LGALS2: variants seen among roughly 807,000 people sequenced by gnomAD.
The protein encoded by LGALS2 is galectin 2, also known as galectin-2.
Under a neutral mutation model 10.1 loss-of-function variants are expected in LGALS2, and 7 were observed. The ratio of observed to expected loss-of-function variants is 0.70; its 90% CI spans 0.40 to 1.31. LGALS2 has a LOEUF of 1.31. Ranked by LOEUF, LGALS2 falls within the 50% of genes most tolerant of loss-of-function variation. The probability of loss-of-function intolerance (pLI) is 0.01; values close to 1 mark genes in which losing one functional copy is unlikely to be tolerated. For synonymous variants in LGALS2, 86 were observed against 64.2 expected, an observed-to-expected ratio of 1.34 and a Z score of -1.63; for missense variants, 167 against 163.6, an observed-to-expected ratio of 1.02 and a Z score of -0.11.
At chr22:37,578,923 A>G (rs927515100) in intron 1 of LGALS2, 1 of 152,408 alleles carries the variant, frequency 6.6e-6, no homozygotes, top group Non-Finnish European at 1.5e-5. Context: ...CCCCATCTCT[A>G]CTAAAAATAC....
intron 1 of LGALS2, among the ~76,000 whole-genome samples, chr22:37,572,238 T>C (rs1205614668): frequency 6.6e-6 from 1 of 152,240 alleles, no homozygotes; most frequent in Non-Finnish European, 1.5e-5. Context: ...TTCCGCAAAG[T>C]GTTCAAGTGA....
intron 1 of LGALS2, among the ~76,000 whole-genome samples, chr22:37,574,859 T>C (rs4821670): frequency 0.52 from 77,810 of 150,284 alleles, 21,320 homozygotes; most frequent in Non-Finnish European, 0.6. Flanking sequence ...GCTCAACTCT[T>C]CCACAGGCAG....
intron 1 of LGALS2, among the ~76,000 whole-genome samples, chr22:37,574,499 TA>T (rs56410387): frequency 0.024 from 2,923 of 119,888 alleles, 65 homozygotes; most frequent in African/African-American, 0.073. Flanking sequence ...AGACTCTGTC[TA>T]AAAAAAAAAA....
chr22:37,572,492 C>A (rs909990808), intron 1 of LGALS2, among the ~76,000 whole-genome samples: 1 of 151,486 alleles, frequency 6.6e-6, no homozygotes, highest in Non-Finnish European at 1.5e-5. Flanking sequence ...ATTGGCCGGA[C>A]GCGGTGGCTC....
In LGALS2 at chr22:37,570,675, G is replaced by A. The variant is rs1925468674; in HGVS notation, c.150C>T (p.Phe50=). The A allele has an allele frequency of 2.5e-6, 4 of 1,614,282 alleles. No homozygotes were observed. Among genetic ancestry groups the A allele is most frequent in the Non-Finnish European group, 2.5e-6 (3 of 1,180,054 alleles). The part of the protein sequence containing the change: ...DKLNLHFNPR[F]SESTIVCNSL... Reference sequence around the variant, plus strand: ...AGTTGCAGACAATGGTGGATTCGCTGAAGCGAGGGTTGAAATGCAGGTTCA... The same window carrying A: ...AGTTGCAGACAATGGTGGATTCGCTAAAGCGAGGGTTGAAATGCAGGTTCA... The change falls in exon 3 of 4, where the codon TTC becomes TTT. Residue 50 remains phenylalanine (F), a synonymous_variant. Coordinates refer to ENST00000215886, the MANE Select transcript of LGALS2 (RefSeq NM_006498.3).
At chr22:37,577,534 T>TTTG (rs1569183111) in intron 1 of LGALS2, among the ~76,000 whole-genome samples, 2 of 149,930 alleles carry the variant, frequency 1.3e-5, no homozygotes, top group Admixed American at 1.3e-4. Context: ...TTCTTCTTCT[T>TTTG]CTTCTTTTTT....
At position 37,570,633 on chromosome 22, in the gene LGALS2, G is replaced by C; in HGVS notation, c.192C>G (p.Asn64Lys). Residue 64 changes from asparagine (N) to lysine (K), a missense_variant, in exon 3 of 4, where the codon AAC (asparagine) becomes AAG (lysine). Transcript: ENST00000215886. ...TIVCNSLDGS[N>K]WGQEQREDHL... ...GATCTTCCCGTTGTTCTTGCCCCCA[G>C]TTGCTGCCGTCCAATGAGTTGCAGA... The C allele has an allele frequency of 3.7e-6, 6 of 1,614,264 alleles. No individual in the cohort carries two copies. Among genetic ancestry groups the C allele is most frequent in the Non-Finnish European group, 4.2e-6 (5 of 1,180,056 alleles).
Position 37,579,917 on chromosome 22 carries a change from C to G in LGALS2, c.-12G>C. ...GTCCTCACCGTCATGGTGACAGCTCCTGGCGGCAGCTCCCAGCGGCTCCTG... is the reference window on the plus strand; with the variant it reads ...GTCCTCACCGTCATGGTGACAGCTCGTGGCGGCAGCTCCCAGCGGCTCCTG... On this transcript the variant is annotated 5_prime_UTR_variant, in exon 1 of 4. Coordinates refer to ENST00000215886, the MANE Select transcript of LGALS2 (RefSeq NM_006498.3). 1 of 1,611,512 alleles carries G rather than the reference C, an allele frequency of 6.2e-7. No individual in the cohort carries two copies. Among genetic ancestry groups the G allele is most frequent in the Non-Finnish European group, 8.5e-7 (1 of 1,179,338 alleles).
chr22:37,571,764 G>C (rs1023599242), intron 2 of LGALS2, 85 bp downstream of exon 2: 7 of 1,065,622 alleles, frequency 6.6e-6, no homozygotes, highest in African/African-American at 1.6e-5. Context: ...TCTTGCCTGA[G>C]CACTTCACAG....
chr22:37,576,862 C>T (rs1341652813), intron 1 of LGALS2, among the ~76,000 whole-genome samples: 1 of 152,170 alleles, frequency 6.6e-6, no homozygotes, highest in Non-Finnish European at 1.5e-5. Context: ...CAGGGGTGCA[C>T]TTGGACAAAT....
Position 37,570,269 on chromosome 22 carries a change from T to C in LGALS2, c.393A>G (p.Lys131=), listed in dbSNP as rs1315680851. 5.6e-6 allele frequency: 9 copies of C among 1,604,864 alleles called. No individual in the cohort carries two copies. The part of the protein sequence containing the change: ...GGFNMSSFKL[K]E ...AATCTCGGCTGGAAGTCTTTTATTC[T>C]TTTAACTTGAAAGAGGACATGTTGA... The change falls in exon 4 of 4, where the codon AAA becomes AAG. Residue 131 remains lysine, a synonymous_variant. Transcript: ENST00000215886.
intron 1 of LGALS2, among the ~76,000 whole-genome samples, chr22:37,576,990 TG>T (rs112028927): frequency 7.5e-5 from 8 of 107,370 alleles, no homozygotes; most frequent in Non-Finnish European, 1.0e-4. Flanking sequence ...TCCCTAGAGC[TG>T]GGGGGGTGGG....
chr22:37,579,963 CAA>C lies in LGALS2; in HGVS notation c.-60_-59del. The C allele has an allele frequency of 6.3e-7, 1 of 1,599,316 alleles. No homozygotes were observed. Among genetic ancestry groups the C allele is most frequent in the South Asian group, 1.1e-5 (1 of 89,602 alleles). On this transcript the variant is annotated 5_prime_UTR_variant, in exon 1 of 4. It removes the in-frame stop codon of an upstream open reading frame in the 5' UTR. Transcript: ENST00000215886. The stretch of plus-strand genomic sequence containing the variant: ...TCCTGGAGGCCTGTGCTCAGGGTCT[CAA>C]CTCGTGGTCAAGCTTATATCCTAGA...
intron 1 of LGALS2, among the ~76,000 whole-genome samples, chr22:37,579,293 C>A (rs1228302602): frequency 2.1e-5 from 3 of 143,908 alleles, no homozygotes; most frequent in African/African-American, 7.7e-5. Flanking sequence ...ACAAAATTAG[C>A]CAGTGTGGTA....
rs142429857 is a variant in LGALS2, at chr22:37,575,440, C to T, written c.7-3509G>A. Among the ~76,000 whole-genome samples, 1,118 of 151,938 alleles carry T rather than the reference C, an allele frequency of 7.4e-3. 10 individuals are homozygous for T. The highest frequency in any genetic ancestry group is 0.026 in the African/African-American group (1,064 of 41,442). On this transcript the variant is annotated intron_variant, in intron 1 of 3. Coordinates refer to ENST00000215886, the MANE Select transcript of LGALS2 (RefSeq NM_006498.3). ...CCAGGCTGCTCTGGAACTCCTGACC[C>T]TCAAGTGGTCCTCCTGCCTCAGCCG...
intron 1 of LGALS2, among the ~76,000 whole-genome samples, chr22:37,578,076 C>A (rs1259966597): frequency 2.0e-5 from 3 of 152,224 alleles, no homozygotes; most frequent in Non-Finnish European, 2.9e-5. Flanking sequence ...ACCATCTAAT[C>A]CTCAGAAGAG....
chr22:37,578,000 G>T (rs1017009337), intron 1 of LGALS2, among the ~76,000 whole-genome samples: 1 of 152,210 alleles, frequency 6.6e-6, no homozygotes, highest in Non-Finnish European at 1.5e-5. Flanking sequence ...CAGAACAAAC[G>T]TCTATCGTGT....
At chr22:37,573,358 A>C (rs1925561941) in intron 1 of LGALS2, among the ~76,000 whole-genome samples, 1 of 152,204 alleles carries the variant, frequency 6.6e-6, no homozygotes, top group South Asian at 2.1e-4. Flanking sequence ...TCCAAGCCTC[A>C]CTTTCCCCTT....
At chr22:37,575,745 G>A (rs187297943) in intron 1 of LGALS2, among the ~76,000 whole-genome samples, 9 of 152,210 alleles carry the variant, frequency 5.9e-5, no homozygotes, top group Admixed American at 5.9e-4. Flanking sequence ...GTAAGCCACT[G>A]TGCCCGGCCT....
Sources: allele counts gnomAD v4.1 joint callset (sites outside exome capture counted in the v4.1 genomes callset), GRCh38; gene constraint gnomAD v4.1.1; transcripts MANE v1.5; gene names NCBI Gene and HGNC (gene_info 2026-07-23, HGNC 2026-07-21).